The following RNF130 variants were observed in gnomAD, a reference collection of about 807,000 sequenced individuals.
RNF130 encodes the protein ring finger protein 130.
A neutral mutation model predicts 44.6 loss-of-function variants in RNF130; 21 were observed. The observed-to-expected ratio is 0.47, with a 90% CI of 0.33 to 0.68. The LOEUF is 0.68. RNF130 is among the 30% of genes least tolerant of loss of function. RNF130 has a pLI of 0.02. For synonymous variants in RNF130, 214 were observed against 210.4 expected, an observed-to-expected ratio of 1.02 and a Z score of -0.15; for missense variants, 479 against 560.6, an observed-to-expected ratio of 0.85 and a Z score of 1.47.
At chr5:179,969,972 C>T (rs1013379848) in intron 6 of RNF130, among the ~76,000 whole-genome samples, 1 of 152,030 alleles carries the variant, frequency 6.6e-6, no homozygotes, top group African/African-American at 2.4e-5. Flanking sequence ...GCTTGGGCAA[C>T]AAGAGCAAAA....
At chr5:179,956,101 C>T (rs1245502506) in intron 8 of RNF130, 1 of 156,032 alleles carries the variant, frequency 6.4e-6, no homozygotes, top group Non-Finnish European at 1.4e-5. Context: ...ATGGCTGTCT[C>T]ACAGGAATCC....
At chr5:180,066,486 A>G (rs892744775) in intron 1 of RNF130, among the ~76,000 whole-genome samples, 1 of 152,236 alleles carries the variant, frequency 6.6e-6, no homozygotes, top group African/African-American at 2.4e-5. Flanking sequence ...CATGAGGGAC[A>G]AGAACAACAC....
chr5:179,914,054 G>C (rs986026573), exon 8 of RNF130: 1 of 152,236 alleles, frequency 6.6e-6, no homozygotes, highest in Non-Finnish European at 1.5e-5. Context: ...CTTCTGCAAG[G>C]CTCTTAACCA....
intron 8 of RNF130, among the ~76,000 whole-genome samples, chr5:179,959,416 A>C (rs1041685541): frequency 9.2e-5 from 14 of 152,180 alleles, no homozygotes; most frequent in African/African-American, 2.9e-4. Context: ...TCACAAGGTC[A>C]GGAGTTCAAG....
chr5:179,966,071 A>G (rs897537285), intron 7 of RNF130, among the ~76,000 whole-genome samples: 1 of 152,212 alleles, frequency 6.6e-6, no homozygotes, highest in African/African-American at 2.4e-5. Context: ...GGAAGCGAAG[A>G]GAAGAGCTGG....
intron 7 of RNF130, among the ~76,000 whole-genome samples, chr5:179,921,617 G>A (rs936021885): frequency 2.6e-5 from 4 of 152,214 alleles, no homozygotes. Context: ...CAACTACGTA[G>A]TGAAACCTTG....
At chr5:179,998,883 A>ATATATATATATATATATT (rs1763266893) in intron 3 of RNF130, among the ~76,000 whole-genome samples, 1 of 96,784 alleles carries the variant, frequency 1.0e-5, no homozygotes, top group Non-Finnish European at 2.2e-5. Flanking sequence ...ATATATATAT[A>ATATATATATATATATATT]TGTTTTATAT....
At chr5:180,011,144 A>G (rs1167773820) in intron 3 of RNF130, among the ~76,000 whole-genome samples, 1 of 152,220 alleles carries the variant, frequency 6.6e-6, no homozygotes, top group East Asian at 1.9e-4. Flanking sequence ...CGTCGGATAA[A>G]CTCAAATACA....
At chr5:179,940,721 C>G (rs944187717) in intron 7 of RNF130, among the ~76,000 whole-genome samples, 2 of 151,478 alleles carry the variant, frequency 1.3e-5, no homozygotes, top group African/African-American at 4.9e-5. Context: ...GTTCCCAGTC[C>G]TTCTTTAATC....
chr5:180,059,669 G>A (rs1039854569), intron 1 of RNF130, among the ~76,000 whole-genome samples: 3 of 152,170 alleles, frequency 2.0e-5, no homozygotes, highest in Non-Finnish European at 4.4e-5. Flanking sequence ...GCACTGATAC[G>A]AAACAATGAA....
At chr5:180,064,105 T>C (rs1184300644) in intron 1 of RNF130, among the ~76,000 whole-genome samples, 3 of 152,186 alleles carry the variant, frequency 2.0e-5, no homozygotes, top group Middle Eastern at 3.2e-3. Context: ...TTATAATAAA[T>C]TATTTTATGT....
intron 1 of RNF130, among the ~76,000 whole-genome samples, chr5:180,069,522 A>C (rs900873854): frequency 6.6e-6 from 1 of 152,110 alleles, no homozygotes; most frequent in Non-Finnish European, 1.5e-5. Context: ...CTTCACACCC[A>C]GTCTTCACAC....
intron 8 of RNF130, 49 bp from the exon 9 acceptor site, chr5:179,955,718 T>C (rs1182695279): frequency 1.4e-6 from 2 of 1,467,966 alleles, no homozygotes; most frequent in Admixed American, 4.1e-5. Flanking sequence ...AGTAGTCAAA[T>C]GTTTAAAATA....
chr5:179,914,115 C>T (rs1280771621), exon 8 of RNF130: 1 of 152,236 alleles, frequency 6.6e-6, no homozygotes, highest in Non-Finnish European at 1.5e-5. Context: ...TCCTAATGGG[C>T]TGAAAGGAGG....
intron 7 of RNF130, among the ~76,000 whole-genome samples, chr5:179,944,315 ATAAAT>A (rs1354338115): frequency 1.3e-5 from 2 of 152,186 alleles, no homozygotes; most frequent in Non-Finnish European, 2.9e-5. Flanking sequence ...GCTATTTCCA[ATAAAT>A]TAAATAACTA....
chr5:180,062,956 A>C (rs746221032), intron 1 of RNF130, among the ~76,000 whole-genome samples: 4 of 152,228 alleles, frequency 2.6e-5, no homozygotes, highest in Non-Finnish European at 5.9e-5. Flanking sequence ...ACTGTAAAGA[A>C]GACATAGAAG....
chr5:180,008,368 C>T (rs1042612539), intron 3 of RNF130, among the ~76,000 whole-genome samples: 2 of 152,138 alleles, frequency 1.3e-5, no homozygotes, highest in African/African-American at 4.8e-5. Context: ...TCTCCCAGCC[C>T]GGCTCCTCAG....
chr5:179,975,852 C>T (rs1022672704), intron 5 of RNF130, among the ~76,000 whole-genome samples: 2 of 152,146 alleles, frequency 1.3e-5, no homozygotes, highest in South Asian at 2.1e-4. Context: ...GCAGGTGCAG[C>T]GCAGAAATGG....
intron 8 of RNF130, among the ~76,000 whole-genome samples, chr5:179,959,020 T>C (rs1006291154): frequency 6.6e-6 from 1 of 152,172 alleles, no homozygotes; most frequent in Non-Finnish European, 1.5e-5. Flanking sequence ...TCTGCCTCCC[T>C]GTAGATATCG....
Sources: gnomAD v4.1 joint callset for allele counts (sites outside exome capture counted in the v4.1 genomes callset) on GRCh38, gnomAD v4.1.1 for gene constraint, MANE v1.5 for transcripts, NCBI Gene and HGNC (gene_info 2026-07-23, HGNC 2026-07-21) for gene names.